WWC1: variants seen among roughly 807,000 people sequenced by gnomAD.
WWC1 encodes the protein protein KIBRA.
WWC1 carries 55 observed loss-of-function variants against 138.4 expected under a neutral mutation model. That is an observed-to-expected ratio of 0.40 (90% CI 0.32 to 0.50). The LOEUF (loss-of-function observed/expected upper bound fraction) is 0.50. Among genes scored for constraint, WWC1 ranks in the 20% least tolerant of loss-of-function variants. The pLI is 0.72. For synonymous variants in WWC1, 524 were observed against 564.9 expected (o/e 0.93, Z 1.03); for missense variants, 1,226 against 1,420.4 (o/e 0.86, Z 2.20).
At chr5:168,385,697 G>A (rs992601856) in intron 3 of WWC1, among the ~76,000 whole-genome samples, 1 of 152,106 alleles carries the variant, frequency 6.6e-6, no homozygotes, top group African/African-American at 2.4e-5. Context: ...TTGGGAATGG[G>A]GAATTCTTAG....
chr5:168,339,859 TTCTCTCTC>T (rs1247837596), intron 1 of WWC1, among the ~76,000 whole-genome samples: 2 of 138,876 alleles, frequency 1.4e-5, no homozygotes, highest in Non-Finnish European at 3.1e-5. Context: ...CTTTCTCTCT[TTCTCTCTC>T]TCTCTCTCCC....
intron 1 of WWC1, among the ~76,000 whole-genome samples, chr5:168,316,134 C>G (rs1318767600): frequency 6.6e-6 from 1 of 152,152 alleles, no homozygotes; most frequent in African/African-American, 2.4e-5. Context: ...GTCCTTCCCC[C>G]TCAGCGTTTC....
intron 15 of WWC1, among the ~76,000 whole-genome samples, chr5:168,432,887 T>C (rs1221508605): frequency 6.6e-6 from 1 of 152,220 alleles, no homozygotes; most frequent in Admixed American, 6.5e-5. Flanking sequence ...AGCTGGAATG[T>C]AGAGCCTCTC....
chr5:168,468,672 T>A (rs1757500220), intron 22 of WWC1, among the ~76,000 whole-genome samples: 1 of 152,024 alleles, frequency 6.6e-6, no homozygotes, highest in South Asian at 2.1e-4. Flanking sequence ...GAACTAAGAG[T>A]CATCGTTCAT....
chr5:168,309,305 A>G (rs193030734), intron 1 of WWC1, among the ~76,000 whole-genome samples: 37 of 152,276 alleles, frequency 2.4e-4, no homozygotes, highest in Admixed American at 5.9e-4. Context: ...GTGTCTAGAC[A>G]AGCACCGCAA....
rs535087844 is a variant in WWC1, at chr5:168,405,700, T to A, written c.591-498T>A. ...TTGGCCGTTTAACAGGGACTTTCTA[T>A]GCCTTTTTTTTTTTTCCTTTTCTTT... On this transcript the variant is annotated intron_variant, in intron 5 of 22. Coordinates refer to ENST00000265293, the MANE Select transcript of WWC1 (RefSeq NM_015238.3). Among the ~76,000 whole-genome samples the A allele has an allele frequency of 5.5e-3, 823 of 150,494 alleles. 7 individuals carry two copies. The highest frequency in any genetic ancestry group is 0.019 in the African/African-American group (769 of 40,912).
chr5:168,295,472 A>G (rs1190745483), intron 1 of WWC1, among the ~76,000 whole-genome samples: 2 of 125,068 alleles, frequency 1.6e-5, no homozygotes, highest in Non-Finnish European at 3.3e-5. Context: ...TTGCACTAAA[A>G]ATTTCTACTC....
In WWC1 at chr5:168,292,086, G is replaced by A; in HGVS notation, c.-67G>A. ...CGGCCGCCCGGGCTAAGAGCGGCCG[G>A]CTGGAGCCGCTGAGCCCCCGCTGCG... On this transcript the variant is annotated 5_prime_UTR_variant, in exon 1 of 23. Transcript: ENST00000265293. The surrounding 1 kb of genome is among the most constrained non-coding windows in gnomAD (Gnocchi z 4.4). 6.9e-7 allele frequency: 1 copy of A among 1,445,966 alleles called. No individual in the cohort carries two copies. The highest frequency in any genetic ancestry group is 9.1e-7 in the Non-Finnish European group (1 of 1,102,860). The allele number at this position is 1,445,966 out of a possible 1,614,324, so 89.6% of individuals were successfully genotyped here.
intron 1 of WWC1, among the ~76,000 whole-genome samples, chr5:168,368,694 T>C (rs1244287880): frequency 6.6e-6 from 1 of 152,138 alleles, no homozygotes; most frequent in Non-Finnish European, 1.5e-5. Flanking sequence ...CTTTCAAGGC[T>C]TTGTTAGATG....
chr5:168,395,823 C>G (rs940915848), intron 3 of WWC1, among the ~76,000 whole-genome samples: 1 of 152,214 alleles, frequency 6.6e-6, no homozygotes, highest in Non-Finnish European at 1.5e-5. Context: ...TGCAACACTT[C>G]TTGTGGTGCC....
chr5:168,344,273 T>C (rs1774282661), intron 1 of WWC1, among the ~76,000 whole-genome samples: 1 of 152,222 alleles, frequency 6.6e-6, no homozygotes, highest in Non-Finnish European at 1.5e-5. Context: ...AAATGATTCC[T>C]AGCCTGCAGA....
intron 2 of WWC1, among the ~76,000 whole-genome samples, chr5:168,376,848 C>T (rs1777214334): frequency 6.6e-6 from 1 of 152,150 alleles, no homozygotes; most frequent in African/African-American, 2.4e-5. Context: ...TTTAAATGGC[C>T]ATACTGCATA....
At chr5:168,371,721 C>T (rs1234290580) in intron 2 of WWC1, among the ~76,000 whole-genome samples, 188 bp downstream of exon 2, 1 of 152,098 alleles carries the variant, frequency 6.6e-6, no homozygotes, top group Non-Finnish European at 1.5e-5. Flanking sequence ...GTAAAAATAA[C>T]AGTTTAGAAG....
At chr5:168,401,243 C>T (rs1779286846) in intron 5 of WWC1, among the ~76,000 whole-genome samples, 1 of 152,184 alleles carries the variant, frequency 6.6e-6, no homozygotes, top group Non-Finnish European at 1.5e-5. Context: ...ATCCAATGGG[C>T]TCACTGGACA....
At chr5:168,419,732 G>T (rs760597994) in intron 9 of WWC1, among the ~76,000 whole-genome samples, 1 of 152,174 alleles carries the variant, frequency 6.6e-6, no homozygotes, top group Non-Finnish European at 1.5e-5. Context: ...GCACAGGCTT[G>T]CTCGATAGGG....
At chr5:168,396,157 G>A (rs1778885912) in intron 3 of WWC1, among the ~76,000 whole-genome samples, 1 of 152,298 alleles carries the variant, frequency 6.6e-6, no homozygotes, top group Non-Finnish European at 1.5e-5. Flanking sequence ...GCCCAGGCAG[G>A]CAGATCACCT....
intron 2 of WWC1, 25 bp downstream of exon 2, chr5:168,371,558 CCCT>C: frequency 1.3e-6 from 2 of 1,566,802 alleles, no homozygotes; most frequent in Non-Finnish European, 1.8e-6. Context: ...GTCCTCCCTT[CCCT>C]GTGCCCTCTT....
intron 2 of WWC1, among the ~76,000 whole-genome samples, chr5:168,372,027 G>A (rs1351204987): frequency 1.5e-5 from 1 of 68,186 alleles, no homozygotes; most frequent in Non-Finnish European, 3.6e-5. Context: ...ATTGGCGAGA[G>A]AGAGAGAGAG....
At chr5:168,412,158 A>G (rs1471160324) in intron 8 of WWC1, 1 of 985,316 alleles carries the variant, frequency 1.0e-6, no homozygotes, top group Non-Finnish European at 1.2e-6. Context: ...AAAGGACTGC[A>G]GTGCTCTCTC....
Sources: allele counts gnomAD v4.1 joint callset (sites outside exome capture counted in the v4.1 genomes callset), GRCh38; gene constraint gnomAD v4.1.1; non-coding constraint Gnocchi (gnomAD v3.1); transcripts MANE v1.5; gene names NCBI Gene and HGNC (gene_info 2026-07-23, HGNC 2026-07-21).